The following FCRL6 variants were observed in gnomAD, a reference collection of about 807,000 sequenced individuals.
FCRL6 encodes Fc receptor like 6, also known as Fc receptor-like protein 6.
A neutral mutation model predicts 49.1 loss-of-function variants in FCRL6; 50 were observed. The ratio of observed to expected loss-of-function variants is 1.02; its 90% CI spans 0.81 to 1.29. The LOEUF is 1.29. Among genes scored for constraint, FCRL6 ranks in the 50% most tolerant of loss-of-function variants. The probability of loss-of-function intolerance (pLI) is 0.00; values close to 1 mark genes in which losing one functional copy is unlikely to be tolerated. For synonymous variants in FCRL6, 213 were observed against 199.6 expected (o/e 1.07, Z -0.57); for missense variants, 571 against 518.5 (o/e 1.10, Z -0.98).
At chr1:159,811,231 G>T (rs778650059) in intron 6 of FCRL6, among the ~76,000 whole-genome samples, 1 of 152,150 alleles carries the variant, frequency 6.6e-6, no homozygotes, top group Non-Finnish European at 1.5e-5. Flanking sequence ...ACCTTTGCTC[G>T]CCTCAGGCCA....
At chr1:159,814,182 G>C (rs1188477554) in intron 7 of FCRL6, 39 bp from the exon 8 acceptor site, 2 of 1,579,982 alleles carry the variant, frequency 1.3e-6, no homozygotes, top group African/African-American at 1.3e-5. Context: ...AGGTGGGAGA[G>C]TCAGGAGGAT....
chr1:159,806,673 T>A, intron 2 of FCRL6, 57 bp downstream of exon 2: 2 of 1,570,728 alleles, frequency 1.3e-6, no homozygotes, highest in Non-Finnish European at 1.8e-6. Flanking sequence ...CAAAACTTAC[T>A]GGATGGGAAC....
chr1:159,809,154 G>A lies in FCRL6; in HGVS notation c.513G>A (p.Lys171=). The change falls in exon 4 of 10, where the codon AAG becomes AAA. Residue 171 remains lysine (K), a synonymous_variant. Coordinates refer to ENST00000368106, the MANE Select transcript of FCRL6 (RefSeq NM_001004310.3). Reference sequence around the variant, plus strand: ...CAGAACTCTGCATCCCGGGAGCCAAGGAGGGAGACTCTGGGCTTTACTGGT... The same window carrying A: ...CAGAACTCTGCATCCCGGGAGCCAAAGAGGGAGACTCTGGGCTTTACTGGT... ...PHPELCIPGA[K]EGDSGLYWCE... 6.2e-7 allele frequency: 1 copy of A among 1,613,908 alleles called. No individual in the cohort carries two copies. Among genetic ancestry groups the A allele is most frequent in the Non-Finnish European group, 8.5e-7 (1 of 1,179,868 alleles).
At chr1:159,804,360 T>C (rs12076744) in intron 1 of FCRL6, among the ~76,000 whole-genome samples, 1,869 of 152,352 alleles carry the variant, frequency 0.012, 43 homozygotes, top group African/African-American at 0.043. Context: ...TTTTGTGTCT[T>C]TCCTCTGTTG....
chr1:159,806,795 T>G (rs1662719883), intron 2 of FCRL6, among the ~76,000 whole-genome samples, 179 bp downstream of exon 2: 1 of 152,150 alleles, frequency 6.6e-6, no homozygotes, highest in Admixed American at 6.5e-5. Context: ...GGAACTCCAC[T>G]AGTCTAAGGC....
upstream of FCRL6, among the ~76,000 whole-genome samples, chr1:159,801,041 A>C (rs1008537736): frequency 4.6e-5 from 7 of 152,214 alleles, no homozygotes; most frequent in Non-Finnish European, 1.0e-4. Context: ...AAAAAGAAAG[A>C]AAAGAAACAA....
chr1:159,805,383 T>C (rs6666384), intron 1 of FCRL6, among the ~76,000 whole-genome samples: 6,719 of 152,166 alleles, frequency 0.044, 487 homozygotes, highest in African/African-American at 0.15. Flanking sequence ...TGGTGTTATG[T>C]AAAATACCTA....
chr1:159,808,974 T>C lies in FCRL6; in HGVS notation c.333T>C (p.Pro111=), dbSNP rs199834744. 3.7e-5 allele frequency: 59 copies of C among 1,609,784 alleles called. No homozygotes were observed. The South Asian group carries it at 6.2e-4, about 17-fold the overall frequency. ...AMVQVQELFP[P]PVLSAIPSPE... Reference sequence around the variant, plus strand: ...GCATCTCCCCAGAGCTGTTTCCACCTCCTGTGCTGAGTGCCATCCCCTCTC... The same window carrying C: ...GCATCTCCCCAGAGCTGTTTCCACCCCCTGTGCTGAGTGCCATCCCCTCTC... Residue 111 remains proline, a synonymous_variant, in exon 4 of 10, where the codon CCT becomes CCC. Transcript: ENST00000368106.
chr1:159,808,416 T>A lies in FCRL6; in HGVS notation c.291T>A (p.Thr97=). 2 of 1,614,202 alleles carry A rather than the reference T, an allele frequency of 1.2e-6. No homozygotes were observed. The highest frequency in any genetic ancestry group is 1.7e-6 in the Non-Finnish European group (2 of 1,180,022). Residue 97 remains threonine, a synonymous_variant, in exon 3 of 10, where the codon ACT becomes ACA. Coordinates refer to ENST00000368106, the MANE Select transcript of FCRL6 (RefSeq NM_001004310.3). Reference sequence around the variant, plus strand: ...ATATTCCACAGACATTCACACAAACTTCAGAGACTGCCATGGTTCAAGTCC... The same window carrying A: ...ATATTCCACAGACATTCACACAAACATCAGAGACTGCCATGGTTCAAGTCC... ...VMYIPQTFTQ[T]SETAMVQVQE...
chr1:159,805,734 C>T (rs1571091582), intron 1 of FCRL6, among the ~76,000 whole-genome samples: 2 of 152,226 alleles, frequency 1.3e-5, no homozygotes, highest in Admixed American at 1.3e-4. Context: ...TTCATCCATG[C>T]TGCCTGATAA....
intron 1 of FCRL6, among the ~76,000 whole-genome samples, chr1:159,805,210 A>G (rs1415443609): frequency 1.3e-5 from 2 of 152,198 alleles, no homozygotes; most frequent in African/African-American, 4.8e-5. Flanking sequence ...TTGAGAGCAT[A>G]TGACTGAGCT....
In FCRL6 at chr1:159,815,954, T is replaced by A. The variant is rs1663379770; in HGVS notation, c.*293T>A. The A allele has an allele frequency of 1.1e-5, 4 of 360,960 alleles. No individual in the cohort carries two copies. In the East Asian group the frequency reaches 2.3e-4, roughly 21 times the overall value. The allele number at this position is 360,960 out of a possible 1,614,324, so 22.4% of individuals were successfully genotyped here. On this transcript the variant is annotated 3_prime_UTR_variant, in exon 10 of 10. Transcript: ENST00000368106. The stretch of plus-strand genomic sequence containing the variant: ...TCTTCTTTCCATACAAGCATGTTAG[T>A]TCGCCCCAATATACATATATATATG...
chr1:159,806,662 C>T lies in FCRL6; in HGVS notation c.52+46C>T, dbSNP rs375691064. 3.3e-5 allele frequency: 52 copies of T among 1,596,786 alleles called. No individual in the cohort carries two copies. In the African/African-American group the frequency reaches 6.3e-4, roughly 19 times the overall value. ...TTCTAATTCAAAGTATGTCTATGGG[C>T]CAAAACTTACTGGATGGGAACAGGA... On this transcript the variant is annotated intron_variant, in intron 2 of 9. Coordinates refer to ENST00000368106, the MANE Select transcript of FCRL6 (RefSeq NM_001004310.3).
In FCRL6 at chr1:159,814,314, T is replaced by A. The variant is rs761849107; in HGVS notation, c.1147+22T>A. ...GAAGGTGAGTGATCTCAGGCCAAAC[T>A]TGGTACCTTTGCAAACAGAAGTTTT... On this transcript the variant is annotated intron_variant, in intron 8 of 9. Coordinates refer to ENST00000368106, the MANE Select transcript of FCRL6 (RefSeq NM_001004310.3). 2.6e-5 allele frequency: 42 copies of A among 1,604,492 alleles called. 1 individual carries two copies. The South Asian group carries it at 4.5e-4, about 17-fold the overall frequency.
rs185416354 is a variant in FCRL6 at position 159,812,463 on chromosome 1, G to C, written c.1010-1026G>C. Among the ~76,000 whole-genome samples the C allele has an allele frequency of 8.5e-5, 13 of 152,304 alleles. No homozygotes were observed. In the East Asian group the frequency reaches 2.5e-3, roughly 29 times the overall value. Reference sequence around the variant, plus strand: ...TGGAACAAGGATATGGTCATGCAAGGGGTCCACTTCAAAGTAGCACTCACC... The same window carrying C: ...TGGAACAAGGATATGGTCATGCAAGCGGTCCACTTCAAAGTAGCACTCACC... On this transcript the variant is annotated intron_variant, in intron 6 of 9. Transcript: ENST00000368106.
intron 1 of FCRL6, among the ~76,000 whole-genome samples, 199 bp downstream of exon 1, chr1:159,802,654 A>T (rs571120319): frequency 9.2e-5 from 14 of 152,350 alleles, no homozygotes; most frequent in Admixed American, 9.1e-4. Context: ...CCTACCCCGT[A>T]GTCCTGGGTC....
chr1:159,806,551 T>C (rs1218237908), intron 1 of FCRL6, 45 bp from the exon 2 acceptor site: 2 of 1,585,692 alleles, frequency 1.3e-6, no homozygotes, highest in East Asian at 2.2e-5. Flanking sequence ...GTCAGAAAGC[T>C]CTTTTTGCTA....
At chr1:159,800,931 C>G (rs1662292953), upstream of FCRL6, among the ~76,000 whole-genome samples, 1 of 152,104 alleles carries the variant, frequency 6.6e-6, no homozygotes, top group African/African-American at 2.4e-5. Context: ...GAGGCTGAGG[C>G]AGGAAAATCA....
intron 6 of FCRL6, 72 bp downstream of exon 6, chr1:159,810,288 A>G: frequency 6.6e-7 from 1 of 1,526,106 alleles, no homozygotes. Flanking sequence ...TTGGAAAGCC[A>G]GAGTCTGACA....
Sources: allele counts gnomAD v4.1 joint callset (sites outside exome capture counted in the v4.1 genomes callset), GRCh38; gene constraint gnomAD v4.1.1; transcripts MANE v1.5; gene names NCBI Gene and HGNC (gene_info 2026-07-23, HGNC 2026-07-21).